Variants in CSMD1 observed in about 807,000 individuals in gnomAD.
CSMD1 encodes CUB and Sushi multiple domains 1.
In CSMD1, 213 loss-of-function variants were observed where a neutral mutation model predicts 417.5. That is an observed-to-expected ratio of 0.51 (90% CI 0.46 to 0.57). The LOEUF (loss-of-function observed/expected upper bound fraction) is 0.57. CSMD1 is among the 20% of genes least tolerant of loss of function. The pLI is 0.00. For missense variants in CSMD1, 6,923 were observed against 4,529.7 expected (o/e 1.53, Z -15.17); for synonymous variants, 2,862 against 1,736.8 (o/e 1.65, Z -16.11).
chr8:4,259,389 G>C (rs1392434682), intron 3 of CSMD1, among the ~76,000 whole-genome samples: 12 of 152,136 alleles, frequency 7.9e-5, no homozygotes, highest in African/African-American at 2.4e-5. Flanking sequence ...GACAGGAGGA[G>C]CTCCCAAACT....
intron 3 of CSMD1, among the ~76,000 whole-genome samples, chr8:4,374,695 A>G (rs532488287): frequency 1.2e-4 from 18 of 152,240 alleles, no homozygotes; most frequent in African/African-American, 4.3e-4. Context: ...ATTTAGGAAA[A>G]TAAGCAGCTG....
At chr8:4,734,777 T>A (rs759752581) in intron 1 of CSMD1, among the ~76,000 whole-genome samples, 37 of 152,186 alleles carry the variant, frequency 2.4e-4, no homozygotes, top group Non-Finnish European at 5.0e-4. Context: ...GCTCATGCCA[T>A]CTTTACTCTC....
chr8:3,888,714 T>C (rs1392255122), intron 5 of CSMD1, among the ~76,000 whole-genome samples: 1 of 152,196 alleles, frequency 6.6e-6, no homozygotes, highest in African/African-American at 2.4e-5. Context: ...TGCTGCTGGC[T>C]GAAGACCTTA....
At chr8:3,703,979 G>A (rs559806050) in intron 7 of CSMD1, among the ~76,000 whole-genome samples, 3 of 152,254 alleles carry the variant, frequency 2.0e-5, no homozygotes, top group South Asian at 2.1e-4. Flanking sequence ...GCTGAGACAG[G>A]AGAATCACAT....
At chr8:4,254,909 T>G (rs1414815952) in intron 3 of CSMD1, among the ~76,000 whole-genome samples, 1 of 152,134 alleles carries the variant, frequency 6.6e-6, no homozygotes, top group Non-Finnish European at 1.5e-5. Flanking sequence ...ATGAGGCATT[T>G]CTCAGAATAC....
At chr8:4,165,275 C>G (rs1280431453) in intron 3 of CSMD1, among the ~76,000 whole-genome samples, 1 of 152,248 alleles carries the variant, frequency 6.6e-6, no homozygotes, top group African/African-American at 2.4e-5. Flanking sequence ...AAAGTTACAG[C>G]TGTTGATCCA....
chr8:4,115,213 G>A (rs1175824221), intron 3 of CSMD1, among the ~76,000 whole-genome samples: 3 of 152,288 alleles, frequency 2.0e-5, no homozygotes, highest in East Asian at 1.9e-4. Context: ...TGGTAAGTCA[G>A]CAGCCACCAA....
At chr8:3,841,100 G>T (rs1184430854) in intron 5 of CSMD1, among the ~76,000 whole-genome samples, 2 of 152,002 alleles carry the variant, frequency 1.3e-5, no homozygotes, top group Non-Finnish European at 2.9e-5. Context: ...GTATTAAATA[G>T]AACTTTTCCA....
intron 1 of CSMD1, among the ~76,000 whole-genome samples, chr8:4,970,444 T>A (rs369704553): frequency 1.3e-4 from 20 of 152,188 alleles, no homozygotes; most frequent in East Asian, 5.8e-4. Context: ...AAGATGTTTA[T>A]GTGACCAAAA....
chr8:3,674,902 T>C (rs1799292426), intron 7 of CSMD1, among the ~76,000 whole-genome samples: 1 of 152,208 alleles, frequency 6.6e-6, no homozygotes, highest in Non-Finnish European at 1.5e-5. Context: ...GTTTATATCC[T>C]GGAAGATAAT....
At chr8:4,518,105 A>G (rs1803223514) in intron 2 of CSMD1, among the ~76,000 whole-genome samples, 1 of 152,210 alleles carries the variant, frequency 6.6e-6, no homozygotes, top group Non-Finnish European at 1.5e-5. Context: ...TCTAGGGGGA[A>G]CATTCTGAAT....
chr8:4,073,042 C>G (rs564949766), intron 3 of CSMD1, among the ~76,000 whole-genome samples: 1 of 152,108 alleles, frequency 6.6e-6, no homozygotes, highest in Admixed American at 6.6e-5. Flanking sequence ...ATAAGTGTAG[C>G]GTAGATGATA....
chr8:3,061,497 T>C (rs1472047501), intron 49 of CSMD1, among the ~76,000 whole-genome samples: 1 of 152,192 alleles, frequency 6.6e-6, no homozygotes, highest in African/African-American at 2.4e-5. Flanking sequence ...CCACTGTCAA[T>C]GGAATTTAGG....
intron 7 of CSMD1, among the ~76,000 whole-genome samples, chr8:3,619,066 A>C (rs984851327): frequency 1.3e-5 from 2 of 152,202 alleles, no homozygotes; most frequent in Non-Finnish European, 2.9e-5. Context: ...TTGCAAACCC[A>C]TGGGTACACT....
Position 3,087,244 on chromosome 8 carries a change from T to C in CSMD1, c.7327A>G (p.Ile2443Val), listed in dbSNP as rs80307148. The C allele has an allele frequency of 2.7e-3, 4,366 of 1,613,984 alleles. 14 individuals are homozygous for C. The highest frequency in any genetic ancestry group is 3.5e-3 in the Non-Finnish European group (4,075 of 1,179,882). The change falls in exon 49 of 70, where the codon ATT becomes GTT. Residue 2443 changes from isoleucine (I) to valine (V), a missense_variant. Transcript: ENST00000635120. ...ACCGCTCCTGCAGTCCTGTTTAGAA[T>C]ACCCCCATTCTTCAGGGGGTGGGTC... ...SLTHPLKNGG[I>V]LNRTAGAVGS...
chr8:3,779,402 A>C (rs1376052604), intron 5 of CSMD1, among the ~76,000 whole-genome samples: 1 of 152,322 alleles, frequency 6.6e-6, no homozygotes, highest in African/African-American at 2.4e-5. Context: ...CCTGTAATCG[A>C]TGAGCACTAC....
intron 49 of CSMD1, among the ~76,000 whole-genome samples, chr8:3,070,159 T>A (rs1003885556): frequency 6.6e-6 from 1 of 152,210 alleles, no homozygotes. Context: ...AGGTCTCTGA[T>A]GGGAGGGTCT....
chr8:3,550,052 T>A (rs1329101035), intron 10 of CSMD1, among the ~76,000 whole-genome samples: 1 of 152,164 alleles, frequency 6.6e-6, no homozygotes, highest in African/African-American at 2.4e-5. Context: ...TGTTTCATAT[T>A]GAAAATCATT....
rs756546824 is a variant in CSMD1, at chr8:4,034,287, G to C, written c.416-2188C>G. Among the ~76,000 whole-genome samples the C allele has an allele frequency of 2.0e-5, 3 of 152,090 alleles. No homozygotes were observed. The East Asian group carries it at 5.8e-4, about 29-fold the overall frequency. ...AAATAAATACTAGTGTTTAGATATTGAATATTATTGACATGTTTATGAGAT... is the reference window on the plus strand; with the variant it reads ...AAATAAATACTAGTGTTTAGATATTCAATATTATTGACATGTTTATGAGAT... On this transcript the variant is annotated intron_variant, in intron 3 of 69. Transcript: ENST00000635120.
Sources: gnomAD v4.1 joint callset for allele counts (sites outside exome capture counted in the v4.1 genomes callset) on GRCh38, gnomAD v4.1.1 for gene constraint, MANE v1.5 for transcripts, NCBI Gene and HGNC (gene_info 2026-07-23, HGNC 2026-07-21) for gene names.